SYNE2: variants seen among roughly 807,000 people sequenced by gnomAD.
SYNE2 encodes the protein spectrin repeat containing nuclear envelope protein 2, also known as nesprin-2.
A neutral mutation model predicts 856.3 loss-of-function variants in SYNE2; 431 were observed. The ratio of observed to expected loss-of-function variants is 0.50; its 90% CI spans 0.47 to 0.55. SYNE2 has a LOEUF of 0.55. SYNE2 is among the 20% of genes least tolerant of loss of function. The pLI is 0.00. For missense variants in SYNE2, 8,129 were observed against 8,023.2 expected (o/e 1.01, Z -0.50); for synonymous variants, 2,923 against 2,872.3 (o/e 1.02, Z -0.56).
intron 2 of SYNE2, among the ~76,000 whole-genome samples, chr14:63,939,474 A>G (rs371564557): frequency 4.3e-4 from 66 of 151,906 alleles, no homozygotes; most frequent in African/African-American, 1.3e-3. Context: ...CAGCCTCCCA[A>G]GTAGCTGGGA....
intron 79 of SYNE2, among the ~76,000 whole-genome samples, chr14:64,139,340 C>T (rs1595783397): frequency 6.6e-6 from 1 of 151,088 alleles, no homozygotes; most frequent in African/African-American, 2.4e-5. Flanking sequence ...AATCTCTGTT[C>T]CTTCATTGGG....
intron 1 of SYNE2, among the ~76,000 whole-genome samples, chr14:63,894,480 C>CA (rs2095211896): frequency 6.6e-6 from 1 of 152,092 alleles, no homozygotes; most frequent in Non-Finnish European, 1.5e-5. Flanking sequence ...CCGTGGCCTC[C>CA]AAAGTGCTGG....
At chr14:63,994,897 T>TC (rs34652643) in intron 22 of SYNE2, 147 bp from the exon 23 acceptor site, 1 of 502,972 alleles carries the variant, frequency 2.0e-6, no homozygotes, top group Non-Finnish European at 3.4e-6. Flanking sequence ...TTAAAACATC[T>TC]CCCCCCAAAA....
intron 1 of SYNE2, among the ~76,000 whole-genome samples, chr14:63,844,254 A>G (rs1319600283): frequency 1.3e-5 from 2 of 152,184 alleles, no homozygotes; most frequent in Non-Finnish European, 2.9e-5. Flanking sequence ...TTTCTGGAGT[A>G]TCATATACTT....
intron 6 of SYNE2, among the ~76,000 whole-genome samples, chr14:63,944,255 CTGA>C (rs1053025760): frequency 1.7e-4 from 25 of 147,802 alleles, no homozygotes; most frequent in African/African-American, 6.2e-4. Context: ...TCAGCATGCT[CTGA>C]TGAACAGCTT....
intron 1 of SYNE2, among the ~76,000 whole-genome samples, chr14:63,896,224 A>G (rs1224127514): frequency 6.6e-6 from 1 of 152,230 alleles, no homozygotes; most frequent in Non-Finnish European, 1.5e-5. Flanking sequence ...TTTCCATAGC[A>G]TGTTCTCATA....
chr14:64,218,628 T>C (rs2098678091), intron 109 of SYNE2, 116 bp downstream of exon 109: 1 of 964,474 alleles, frequency 1.0e-6, no homozygotes, highest in Non-Finnish European at 1.6e-6. Context: ...ACTGGGGGAC[T>C]TACCCTACAA....
intron 73 of SYNE2, among the ~76,000 whole-genome samples, chr14:64,128,037 AATT>A (rs1180495937): frequency 6.6e-5 from 10 of 152,324 alleles, no homozygotes; most frequent in Admixed American, 3.9e-4. Context: ...CAAAAAGAAA[AATT>A]ATAGGCAATT....
chr14:64,208,804 T>A lies in SYNE2; in HGVS notation c.18248T>A (p.Val6083Glu). Residue 6083 changes from valine to glutamate, a missense_variant, in exon 101 of 116, where the codon GTG (valine) becomes GAG (glutamate). Val to Glu is a moderately radical substitution (Grantham distance 121). Around this residue, in one of 3 missense-constraint regions of SYNE2, gnomAD observed 5,410 missense variants for 5,284.8 expected, o/e 1.02. Coordinates refer to ENST00000555002, the MANE Select transcript of SYNE2 (RefSeq NM_182914.3). The stretch of plus-strand genomic sequence containing the variant: ...CAACACAGCGCAGGGGTGGAGTCCG[T>A]GTTTAACATCTGTGACGTCCTACTG... ...IEQHSAGVES[V>E]FNICDVLLHD... 6.2e-7 allele frequency: 1 copy of A among 1,614,194 alleles called. No individual in the cohort carries two copies. The highest frequency in any genetic ancestry group is 8.5e-7 in the Non-Finnish European group (1 of 1,180,034).
In SYNE2 at chr14:64,190,164, G is replaced by C. The variant is rs2098511439; in HGVS notation, c.17965G>C (p.Ala5989Pro). Reference protein sequence around the residue: ...QLIKASNKSRAAEIDDKLNKI... With the variant: ...QLIKASNKSRPAEIDDKLNKI... ...GATCAAGGCCAGCAACAAATCAAGA[G>C]CAGCTGAGATCGATGACAAGCTCAA... Residue 5989 changes from alanine (A) to proline (P), a missense_variant, in exon 99 of 116, where the codon GCA (alanine) becomes CCA (proline). Ala to Pro is a conservative substitution (Grantham distance 27). Coordinates refer to ENST00000555002, the MANE Select transcript of SYNE2 (RefSeq NM_182914.3). The C allele has an allele frequency of 1.9e-6, 3 of 1,613,966 alleles. No individual in the cohort carries two copies. The highest frequency in any genetic ancestry group is 2.5e-6 in the Non-Finnish European group (3 of 1,180,022).
intron 6 of SYNE2, among the ~76,000 whole-genome samples, chr14:63,946,514 T>C (rs943297613): frequency 6.2e-5 from 1 of 16,088 alleles, no homozygotes; most frequent in Admixed American, 8.5e-4. Context: ...CATATATATG[T>C]ATATATATGA....
intron 1 of SYNE2, among the ~76,000 whole-genome samples, chr14:63,766,965 A>G (rs61985715): frequency 0.027 from 4,090 of 152,318 alleles, 108 homozygotes; most frequent in Non-Finnish European, 0.038. Flanking sequence ...ATGATTAGAA[A>G]GTTATCATAA....
At chr14:64,170,137 TA>T in intron 93 of SYNE2, 90 bp from the exon 94 acceptor site, 1 of 1,251,484 alleles carries the variant, frequency 8.0e-7, no homozygotes, top group South Asian at 1.3e-5. Context: ...ATTGTACTTA[TA>T]AAAACTGAAT....
At chr14:63,966,568 T>G (rs1218608486) in intron 10 of SYNE2, among the ~76,000 whole-genome samples, 3 of 146,758 alleles carry the variant, frequency 2.0e-5, no homozygotes, top group African/African-American at 7.5e-5. Context: ...CTCTTTTTTT[T>G]CCCCCCCCGA....
intron 65 of SYNE2, among the ~76,000 whole-genome samples, chr14:64,110,431 A>G (rs2097796577): frequency 6.6e-6 from 1 of 152,192 alleles, no homozygotes; most frequent in Admixed American, 6.5e-5. Flanking sequence ...GTGTAGTGAA[A>G]GCAGGAATTG....
rs146455843 is a variant in SYNE2 at position 64,122,098 on chromosome 14, A to G, written c.13245A>G (p.Gln4415=). 8.7e-6 allele frequency: 14 copies of G among 1,614,066 alleles called. No individual in the cohort carries two copies. The highest frequency in any genetic ancestry group is 1.7e-5 in the Admixed American group (1 of 60,014). Residue 4415 remains glutamine, a synonymous_variant, in exon 69 of 116, where the codon CAA becomes CAG. Transcript: ENST00000555002. ...AGAAAATGTGGCCCCAGTATTGCCA[A>G]CATGATAACGATACAACTCAGGAAT... ...NAKKMWPQYC[Q]HDNDTTQESS...
chr14:63,921,708 C>T (rs1485924362), intron 2 of SYNE2, among the ~76,000 whole-genome samples: 1 of 151,974 alleles, frequency 6.6e-6, no homozygotes, highest in Non-Finnish European at 1.5e-5. Flanking sequence ...ATATAAGTGG[C>T]CTAGGTGAGA....
In SYNE2 at chr14:63,844,352, C is replaced by T. The variant is rs577445576; in HGVS notation, c.-304-8149C>T. 3.1e-4 allele frequency among the ~76,000 whole-genome samples: 47 copies of T among 152,314 alleles called. 1 individual carries two copies. The South Asian group carries it at 3.7e-3, about 12-fold the overall frequency. ...CTTGTCTTTTCATGGTTTGGTAGCT[C>T]ATTTCTTTTTAGCACTGAATAATAT... is the stretch of plus-strand genomic sequence containing the variant. On this transcript the variant is annotated intron_variant, in intron 1 of 23. Transcript: ENST00000674003.
intron 10 of SYNE2, among the ~76,000 whole-genome samples, chr14:63,967,392 C>G (rs757969775): frequency 3.3e-5 from 5 of 152,150 alleles, no homozygotes; most frequent in Non-Finnish European, 7.3e-5. Flanking sequence ...TGCATACTTG[C>G]GGAGAACAAA....
Sources: allele counts gnomAD v4.1 joint callset (sites outside exome capture counted in the v4.1 genomes callset), GRCh38; gene constraint gnomAD v4.1.1; regional missense constraint gnomAD v4.1.1; transcripts MANE v1.5; gene names NCBI Gene and HGNC (gene_info 2026-07-23, HGNC 2026-07-21).